The following MARCHF1 variants were observed in gnomAD, a reference collection of about 807,000 sequenced individuals.
The protein encoded by MARCHF1 is membrane associated ring-CH-type finger 1.
MARCHF1 carries 40 observed loss-of-function variants against 54.2 expected under a neutral mutation model. That is an observed-to-expected ratio of 0.74 (90% CI 0.57 to 0.96). The LOEUF (loss-of-function observed/expected upper bound fraction) is 0.96, where lower values mean the gene tolerates loss of function less well. Ranked by LOEUF, MARCHF1 falls within the 40% of genes least tolerant of loss-of-function variation. The pLI is 0.00. For missense variants in MARCHF1, 586 were observed against 656.5 expected, an observed-to-expected ratio of 0.89 and a Z score of 1.17; for synonymous variants, 236 against 236.3, an observed-to-expected ratio of 1.00 and a Z score of 0.01.
intron 3 of MARCHF1, among the ~76,000 whole-genome samples, chr4:163,979,296 T>G (rs1253157767): frequency 6.9e-6 from 1 of 144,324 alleles, no homozygotes; most frequent in East Asian, 2.1e-4. Context: ...TTGTGATAGT[T>G]TACTGAGAAT....
chr4:164,151,718 A>G (rs1016807759), intron 1 of MARCHF1, among the ~76,000 whole-genome samples: 1 of 152,144 alleles, frequency 6.6e-6, no homozygotes, highest in African/African-American at 2.4e-5. Flanking sequence ...AGGTTATTTC[A>G]TGTTATGATT....
At chr4:164,354,451 G>C (rs927871451) in intron 1 of MARCHF1, among the ~76,000 whole-genome samples, 1 of 132,872 alleles carries the variant, frequency 7.5e-6, no homozygotes, top group Non-Finnish European at 1.6e-5. Flanking sequence ...ATGCAAGGCT[G>C]GTTCAATATA....
chr4:163,707,951 T>G (rs1381390036), intron 4 of MARCHF1, among the ~76,000 whole-genome samples: 2 of 151,944 alleles, frequency 1.3e-5, no homozygotes, highest in African/African-American at 4.8e-5. Flanking sequence ...CTCTGCTTAC[T>G]GGGGAGTGGG....
intron 1 of MARCHF1, among the ~76,000 whole-genome samples, chr4:164,180,262 TAG>T (rs1173349928): frequency 1.3e-5 from 2 of 152,170 alleles, no homozygotes; most frequent in Admixed American, 6.5e-5. Context: ...GTAATAAATA[TAG>T]AGTTATTAGA....
intron 4 of MARCHF1, among the ~76,000 whole-genome samples, chr4:163,812,726 C>T (rs914258823): frequency 6.6e-6 from 1 of 152,126 alleles, no homozygotes; most frequent in Non-Finnish European, 1.5e-5. Context: ...CCACTACACT[C>T]CAGCCTGGGA....
At chr4:164,247,938 A>T (rs2111234628) in intron 1 of MARCHF1, among the ~76,000 whole-genome samples, 1 of 151,522 alleles carries the variant, frequency 6.6e-6, no homozygotes, top group East Asian at 1.9e-4. Context: ...GAGCTTGGGA[A>T]TGTGAGATGT....
chr4:163,886,297 T>C (rs1268870533), intron 3 of MARCHF1, among the ~76,000 whole-genome samples: 1 of 140,784 alleles, frequency 7.1e-6, no homozygotes, highest in East Asian at 2.0e-4. Flanking sequence ...ATATATCTCT[T>C]AATAGACATA....
chr4:164,328,779 C>T (rs908604926), intron 1 of MARCHF1, among the ~76,000 whole-genome samples: 2 of 152,160 alleles, frequency 1.3e-5, no homozygotes, highest in Non-Finnish European at 2.9e-5. Flanking sequence ...ATCAGCCCAC[C>T]TCAGCCCCCT....
At position 163,595,781 on chromosome 4, in the gene MARCHF1, G is replaced by A. The variant is rs549604280; in HGVS notation, c.1011-9852C>T. On this transcript the variant is annotated intron_variant, in intron 7 of 9. Coordinates refer to ENST00000514618, the MANE Select transcript of MARCHF1 (RefSeq NM_001394959.1). Reference sequence around the variant, plus strand: ...GAAAATGGGAAGTTGTTATTCAGTGGGAGTAATTTTTGATTATGCAAGATG... The same window carrying A: ...GAAAATGGGAAGTTGTTATTCAGTGAGAGTAATTTTTGATTATGCAAGATG... 4.6e-5 allele frequency among the ~76,000 whole-genome samples: 7 copies of A among 152,088 alleles called. No individual in the cohort carries two copies. In the East Asian group the frequency reaches 1.4e-3, roughly 29 times the overall value.
chr4:163,706,385 T>C (rs939047390), intron 4 of MARCHF1, among the ~76,000 whole-genome samples: 38 of 152,092 alleles, frequency 2.5e-4, no homozygotes, highest in Admixed American at 2.5e-3. Context: ...AAAAAAAGTG[T>C]ATTTCTTGTG....
At chr4:164,302,477 G>A (rs1213735716) in intron 1 of MARCHF1, among the ~76,000 whole-genome samples, 4 of 151,870 alleles carry the variant, frequency 2.6e-5, no homozygotes, top group South Asian at 4.2e-4. Flanking sequence ...TACTAACCCC[G>A]GGGTCATGAC....
intron 2 of MARCHF1, among the ~76,000 whole-genome samples, chr4:164,002,307 G>C (rs908966397): frequency 6.6e-6 from 1 of 151,496 alleles, no homozygotes. Flanking sequence ...CAGACAAGCA[G>C]TTATAACAGC....
intron 5 of MARCHF1, among the ~76,000 whole-genome samples, chr4:163,691,813 C>A (rs752680094): frequency 3.3e-5 from 5 of 152,162 alleles, no homozygotes; most frequent in Non-Finnish European, 7.4e-5. Flanking sequence ...CAGATGTTTA[C>A]TACAGGCCAG....
At chr4:163,916,281 C>T (rs567486391) in intron 3 of MARCHF1, among the ~76,000 whole-genome samples, 44 of 152,292 alleles carry the variant, frequency 2.9e-4, no homozygotes, top group Non-Finnish European at 4.6e-4. Context: ...TATTACACAG[C>T]TAATATGTTT....
intron 1 of MARCHF1, among the ~76,000 whole-genome samples, chr4:164,114,528 C>A (rs1436887052): frequency 1.3e-5 from 2 of 151,420 alleles, no homozygotes; most frequent in Non-Finnish European, 3.0e-5. Context: ...ATATTTAGTG[C>A]AGAAATTTAA....
At chr4:163,604,266 C>G (rs773299339) in intron 7 of MARCHF1, among the ~76,000 whole-genome samples, 5 of 152,102 alleles carry the variant, frequency 3.3e-5, no homozygotes, top group Non-Finnish European at 5.9e-5. Context: ...GCACCTCAAA[C>G]TACCATGTCC....
chr4:163,612,985 A>G lies in MARCHF1; in HGVS notation c.296T>C (p.Val99Ala), dbSNP rs1480661378. Residue 99 changes from valine to alanine, a missense_variant, in exon 7 of 10, where the codon GTC (valine) becomes GCC (alanine). This residue lies in a region of MARCHF1 where 387 missense variants were observed against 394.6 expected (regional missense o/e 0.98). Transcript: ENST00000514618. ...SEESFEYCTP[V>A]MVLSPARKES... is the part of the protein sequence containing the mutation. ...CTTCCTAGCAGGGCTCAGCACCATG[A>G]CAGGGGTGCAATACTCAAATGACTC... 3.3e-6 allele frequency: 5 copies of G among 1,528,834 alleles called. No individual in the cohort carries two copies. In the Admixed American group the frequency reaches 1.0e-4, roughly 31 times the overall value. The allele number at this position is 1,528,834 out of a possible 1,614,324, so 94.7% of individuals were successfully genotyped here. A position where few individuals can be genotyped will look rare whatever the true frequency, so the allele number is the denominator to read the frequency against.
At chr4:164,284,397 T>A (rs935565650) in intron 1 of MARCHF1, among the ~76,000 whole-genome samples, 2 of 144,712 alleles carry the variant, frequency 1.4e-5, no homozygotes, top group Non-Finnish European at 3.0e-5. Context: ...TTCTCCAGAG[T>A]AGAAAAATTG....
At chr4:163,932,757 G>T in intron 3 of MARCHF1, 1 of 564,734 alleles carries the variant, frequency 1.8e-6, no homozygotes, top group Non-Finnish European at 3.5e-6. Flanking sequence ...GCTGATTAAG[G>T]ACTACCAGGA....
Sources: gnomAD v4.1 joint callset for allele counts (sites outside exome capture counted in the v4.1 genomes callset) on GRCh38, gnomAD v4.1.1 for gene constraint, gnomAD v4.1.1 regional missense constraint, MANE v1.5 for transcripts, NCBI Gene and HGNC (gene_info 2026-07-23, HGNC 2026-07-21) for gene names.